Variants in ULK4 observed in about 807,000 individuals in gnomAD.
ULK4 encodes inactive serine/threonine-protein kinase ULK4.
ULK4 carries 133 observed loss-of-function variants against 160.6 expected under a neutral mutation model. The ratio of observed to expected loss-of-function variants is 0.83; its 90% confidence interval spans 0.72 to 0.96. ULK4 has a LOEUF of 0.96. ULK4 is among the 40% of genes least tolerant of loss of function. The pLI, the probability that ULK4 is intolerant of heterozygous loss-of-function variation, is 0.00. For synonymous variants in ULK4, 534 were observed against 539.8 expected, an observed-to-expected ratio of 0.99 and a Z score of 0.15; for missense variants, 1,580 against 1,499.5, an observed-to-expected ratio of 1.05 and a Z score of -0.89.
intron 35 of ULK4, chr3:41,250,832 T>C (rs1281117510): frequency 6.6e-6 from 1 of 152,250 alleles, no homozygotes; most frequent in African/African-American, 2.4e-5. Flanking sequence ...AAATTTGTTC[T>C]GAAATTGCAC....
intron 35 of ULK4, chr3:41,250,910 T>C (rs1559487130): frequency 6.6e-6 from 1 of 152,324 alleles, no homozygotes; most frequent in East Asian, 1.9e-4. Flanking sequence ...GTCTGAAGTA[T>C]GCATAAACTT....
intron 19 of ULK4, among the ~76,000 whole-genome samples, chr3:41,811,054 T>A (rs1277043072): frequency 3.3e-5 from 5 of 151,710 alleles, no homozygotes; most frequent in African/African-American, 4.9e-5. Context: ...GGGCTAATTT[T>A]AAATTTTTTT....
At chr3:41,368,668 C>T (rs1014837940) in intron 35 of ULK4, among the ~76,000 whole-genome samples, 1 of 152,132 alleles carries the variant, frequency 6.6e-6, no homozygotes, top group Non-Finnish European at 1.5e-5. Flanking sequence ...TCTTATTTAA[C>T]TTAGCATAAT....
intron 31 of ULK4, among the ~76,000 whole-genome samples, chr3:41,569,403 AC>A (rs2087894665): frequency 6.6e-6 from 1 of 152,146 alleles, no homozygotes. Context: ...AAAAGACAGC[AC>A]CTGAAGACAG....
intron 32 of ULK4, among the ~76,000 whole-genome samples, chr3:41,554,411 A>G (rs1474506889): frequency 7.2e-5 from 11 of 152,174 alleles, no homozygotes; most frequent in Admixed American, 7.2e-4. Context: ...AGCAACATGG[A>G]TGGAGGTGGA....
intron 31 of ULK4, among the ~76,000 whole-genome samples, chr3:41,596,883 C>A (rs1268978670): frequency 1.3e-5 from 2 of 152,104 alleles, no homozygotes; most frequent in Non-Finnish European, 2.9e-5. Context: ...TGTAAGGTTT[C>A]TCAATGTCAG....
chr3:41,291,660 T>C (rs908102058), intron 35 of ULK4, among the ~76,000 whole-genome samples: 1 of 152,082 alleles, frequency 6.6e-6, no homozygotes, highest in African/African-American at 2.4e-5. Flanking sequence ...ACTCAGCAGT[T>C]AAAATAAAGA....
At chr3:41,737,589 G>A (rs1037551737) in intron 22 of ULK4, among the ~76,000 whole-genome samples, 2 of 151,856 alleles carry the variant, frequency 1.3e-5, no homozygotes, top group Non-Finnish European at 2.9e-5. Context: ...AAAGCTGGAG[G>A]CATCACGCTA....
chr3:41,346,675 A>G (rs966921841), intron 35 of ULK4, among the ~76,000 whole-genome samples: 1 of 152,206 alleles, frequency 6.6e-6, no homozygotes, highest in Non-Finnish European at 1.5e-5. Context: ...TTCATTGGGA[A>G]CTACTTTTCA....
intron 32 of ULK4, among the ~76,000 whole-genome samples, chr3:41,492,048 A>G (rs1473824463): frequency 1.2e-4 from 18 of 151,888 alleles, no homozygotes; most frequent in Admixed American, 1.1e-3. Flanking sequence ...ATGTCCCTAC[A>G]AAGGACATGA....
chr3:41,365,891 T>G (rs963372183), intron 35 of ULK4, among the ~76,000 whole-genome samples: 2 of 152,198 alleles, frequency 1.3e-5, no homozygotes, highest in African/African-American at 4.8e-5. Flanking sequence ...TTTTCTTGAT[T>G]AAAGACATAA....
At chr3:41,349,303 C>T (rs2080865551) in intron 35 of ULK4, among the ~76,000 whole-genome samples, 1 of 152,172 alleles carries the variant, frequency 6.6e-6, no homozygotes, top group African/African-American at 2.4e-5. Flanking sequence ...TGTGATTTGA[C>T]CAGTAATAGA....
chr3:41,313,857 T>C (rs1352817248), intron 35 of ULK4, among the ~76,000 whole-genome samples: 1 of 152,206 alleles, frequency 6.6e-6, no homozygotes, highest in Non-Finnish European at 1.5e-5. Context: ...GTATGATGTC[T>C]GAAGTCAAGT....
chr3:41,689,314 A>C (rs1428192060), intron 27 of ULK4, among the ~76,000 whole-genome samples: 1 of 152,172 alleles, frequency 6.6e-6, no homozygotes, highest in Non-Finnish European at 1.5e-5. Flanking sequence ...TTAATAATTA[A>C]ATTTAGAAGA....
intron 34 of ULK4, among the ~76,000 whole-genome samples, chr3:41,398,707 A>G (rs557723547): frequency 6.6e-6 from 1 of 152,014 alleles, no homozygotes; most frequent in South Asian, 2.1e-4. Flanking sequence ...ACTTTTTTAA[A>G]TGCATCTTTT....
intron 30 of ULK4, among the ~76,000 whole-genome samples, chr3:41,629,033 T>C (rs2033644317): frequency 6.6e-6 from 1 of 152,236 alleles, no homozygotes; most frequent in Admixed American, 6.5e-5. Flanking sequence ...TGTGTCTTTT[T>C]TGAATTTCAT....
intron 32 of ULK4, among the ~76,000 whole-genome samples, chr3:41,524,375 C>T (rs754641109): frequency 7.9e-5 from 12 of 152,194 alleles, no homozygotes; most frequent in Non-Finnish European, 1.8e-4. Context: ...TACTCCTCCA[C>T]CTTCTTTCTC....
chr3:41,784,986 T>C lies in ULK4; in HGVS notation c.2193+4675A>G, dbSNP rs182686026. On this transcript the variant is annotated intron_variant, in intron 21 of 36. Coordinates refer to ENST00000301831, the MANE Select transcript of ULK4 (RefSeq NM_017886.4). Reference sequence around the variant, plus strand: ...GTTTTATTATAAGAAAAATACAGCATGTGGCTTAAACGACTGCTGGATAAA... The same window carrying C: ...GTTTTATTATAAGAAAAATACAGCACGTGGCTTAAACGACTGCTGGATAAA... 1.2e-4 allele frequency among the ~76,000 whole-genome samples: 18 copies of C among 152,342 alleles called. No individual in the cohort carries two copies. The East Asian group carries it at 3.3e-3, about 28-fold the overall frequency.
chr3:41,936,733 G>C (rs1176998421), intron 3 of ULK4, among the ~76,000 whole-genome samples: 1 of 152,264 alleles, frequency 6.6e-6, no homozygotes, highest in East Asian at 1.9e-4. Context: ...GAATCATGGA[G>C]ATAGAGAACA....
Sources: allele counts gnomAD v4.1 joint callset (sites outside exome capture counted in the v4.1 genomes callset), GRCh38; gene constraint gnomAD v4.1.1; transcripts MANE v1.5; gene names NCBI Gene and HGNC (gene_info 2026-07-23, HGNC 2026-07-21).